Variants in POLA1 observed in about 807,000 individuals in gnomAD.
POLA1 encodes the protein DNA polymerase alpha catalytic subunit.
Under a neutral mutation model 124.0 loss-of-function variants are expected in POLA1, and 15 were observed. That is an observed-to-expected ratio of 0.12 (90% CI 0.08 to 0.19). The LOEUF is 0.19. Ranked by LOEUF, POLA1 falls within the 10% of genes least tolerant of loss-of-function variation. POLA1 has a pLI of 1.00. For missense variants in POLA1, 886 were observed against 1,103.4 expected, an observed-to-expected ratio of 0.80 and a Z score of 2.79; for synonymous variants, 408 against 389.4, an observed-to-expected ratio of 1.05 and a Z score of -0.56.
At chrX:24,886,589 G>T (rs1159865386) in intron 34 of POLA1, among the ~76,000 whole-genome samples, 1 of 111,589 alleles carries the variant, frequency 9.0e-6, no homozygotes, top group Non-Finnish European at 1.9e-5. Flanking sequence ...GAGGAATGAG[G>T]TCAAACGGCA....
At chrX:24,913,803 G>A (rs147344337) in intron 35 of POLA1, among the ~76,000 whole-genome samples, 2,801 of 109,748 alleles carry the variant, frequency 0.026, 89 homozygotes, top group African/African-American at 0.087. Context: ...CGAGGCAGGC[G>A]GATCACCCAA....
intron 35 of POLA1, among the ~76,000 whole-genome samples, chrX:24,903,175 C>T (rs1464002990): frequency 1.8e-5 from 2 of 112,725 alleles, no homozygotes; most frequent in African/African-American, 6.4e-5. Flanking sequence ...AAATCATGCA[C>T]GAGCAAACAC....
chrX:24,705,134 C>T (rs759385359), intron 4 of POLA1, among the ~76,000 whole-genome samples: 1 of 110,893 alleles, frequency 9.0e-6, no homozygotes, highest in South Asian at 3.8e-4. Flanking sequence ...AGATACAGTT[C>T]ACATACCATA....
intron 26 of POLA1, among the ~76,000 whole-genome samples, chrX:24,759,408 G>T (rs1055917776): frequency 9.0e-6 from 1 of 111,725 alleles, no homozygotes; most frequent in Non-Finnish European, 1.9e-5. Context: ...GTTCTACCTA[G>T]CCCCTAAGCC....
intron 29 of POLA1, among the ~76,000 whole-genome samples, chrX:24,814,275 G>T (rs1381074473): frequency 1.8e-5 from 2 of 112,068 alleles, no homozygotes; most frequent in African/African-American, 6.5e-5. Context: ...TTTTGTCGGG[G>T]TTCTTTTTCT....
At chrX:24,861,557 A>G (rs1445915376) in intron 34 of POLA1, among the ~76,000 whole-genome samples, 1 of 112,819 alleles carries the variant, frequency 8.9e-6, no homozygotes, top group Non-Finnish European at 1.9e-5. Flanking sequence ...TTCTCTGGTA[A>G]TCTTTTTTGT....
intron 36 of POLA1, among the ~76,000 whole-genome samples, chrX:24,933,259 G>A (rs1207823457): frequency 9.0e-6 from 1 of 111,563 alleles, no homozygotes; most frequent in African/African-American, 3.3e-5. Flanking sequence ...ATAGTAGAGA[G>A]GAGAACAATT....
chrX:24,793,063 G>C (rs1246947756), intron 26 of POLA1, among the ~76,000 whole-genome samples: 1 of 110,137 alleles, frequency 9.1e-6, no homozygotes, highest in East Asian at 2.8e-4. Context: ...GATCACCTGA[G>C]ATCAGGAGTT....
chrX:24,702,033 C>T (rs973043469), intron 2 of POLA1, among the ~76,000 whole-genome samples: 1 of 108,462 alleles, frequency 9.2e-6, no homozygotes, highest in African/African-American at 3.4e-5. Flanking sequence ...GGATTACAGG[C>T]GTGAGCCACT....
At chrX:24,859,209 A>G (rs2046685635) in intron 34 of POLA1, among the ~76,000 whole-genome samples, 1 of 111,545 alleles carries the variant, frequency 9.0e-6, no homozygotes, top group Non-Finnish European at 1.9e-5. Flanking sequence ...TTTTTCCAAA[A>G]CAGGATTAAT....
At chrX:24,812,426 A>G (rs1182286767) in intron 28 of POLA1, among the ~76,000 whole-genome samples, 1 of 110,916 alleles carries the variant, frequency 9.0e-6, no homozygotes, top group Non-Finnish European at 1.9e-5. Context: ...GCATGGGATG[A>G]TCTATTATTG....
chrX:24,706,502 GA>G (rs1349526374), intron 4 of POLA1, among the ~76,000 whole-genome samples: 1 of 111,985 alleles, frequency 8.9e-6, no homozygotes, highest in Admixed American at 9.5e-5. Context: ...ACAGAACAAG[GA>G]AATTATATAT....
chrX:24,992,579 G>A (rs1007812655), intron 36 of POLA1, among the ~76,000 whole-genome samples: 7 of 112,408 alleles, frequency 6.2e-5, no homozygotes, highest in Non-Finnish European at 1.3e-4. Context: ...GCCTAAGCCT[G>A]CCTTAATTAA....
intron 26 of POLA1, chrX:24,788,840 C>T: frequency 8.4e-7 from 1 of 1,195,007 alleles, no homozygotes; most frequent in Non-Finnish European, 1.1e-6. Context: ...ACCATACTTG[C>T]CCAAAGCTTT....
At chrX:24,782,505 T>C (rs2045285743) in intron 26 of POLA1, among the ~76,000 whole-genome samples, 1 of 112,050 alleles carries the variant, frequency 8.9e-6, no homozygotes, top group African/African-American at 3.2e-5. Context: ...TTTGGAAACA[T>C]GTAGAGGCTT....
At chrX:24,965,642 A>G (rs2048212897) in intron 36 of POLA1, among the ~76,000 whole-genome samples, 1 of 112,236 alleles carries the variant, frequency 8.9e-6, no homozygotes, top group African/African-American at 3.2e-5. Context: ...TTAGAAGGCC[A>G]GGTTCTGTGG....
chrX:24,766,629 A>G (rs1275686057), intron 26 of POLA1, among the ~76,000 whole-genome samples: 2 of 111,620 alleles, frequency 1.8e-5, no homozygotes, highest in Non-Finnish European at 3.8e-5. Flanking sequence ...CAAAATCTCA[A>G]AATTTGGAGA....
At chrX:24,858,249 T>C (rs2147093747) in intron 34 of POLA1, among the ~76,000 whole-genome samples, 1 of 112,191 alleles carries the variant, frequency 8.9e-6, no homozygotes, top group South Asian at 3.7e-4. Context: ...CCTCGCCTCT[T>C]CTCTGTTGTG....
chrX:24,955,030 A>G (rs1048195441), intron 36 of POLA1, among the ~76,000 whole-genome samples: 4 of 111,372 alleles, frequency 3.6e-5, no homozygotes, highest in Non-Finnish European at 7.5e-5. Flanking sequence ...AAGTCTACCA[A>G]CTTCATTTCC....
Sources: gnomAD v4.1 joint callset for allele counts (sites outside exome capture counted in the v4.1 genomes callset) on GRCh38, gnomAD v4.1.1 for gene constraint, MANE v1.5 for transcripts, NCBI Gene and HGNC (gene_info 2026-07-23, HGNC 2026-07-21) for gene names.